The following FTO variants were observed in gnomAD, a reference collection of about 807,000 sequenced individuals.
FTO encodes alpha-ketoglutarate-dependent dioxygenase FTO.
Under a neutral mutation model 63.9 loss-of-function variants are expected in FTO, and 47 were observed. The ratio of observed to expected loss-of-function variants is 0.74; its 90% CI spans 0.58 to 0.94. The LOEUF is 0.94. FTO is among the 40% of genes least tolerant of loss of function. FTO has a pLI of 0.00. For synonymous variants in FTO, 207 were observed against 224.4 expected, an observed-to-expected ratio of 0.92 and a Z score of 0.69; for missense variants, 562 against 618.1, an observed-to-expected ratio of 0.91 and a Z score of 0.96.
Position 53,823,239 on chromosome 16 carries a change from T to C in FTO, c.124-2625T>C, listed in dbSNP as rs2078915180. Reference sequence around the variant, plus strand: ...GGCCTCTCAGTGTCAGGTGACATAGTTGAGTACCCCGCCCTTCTAGAAATG... The same window carrying C: ...GGCCTCTCAGTGTCAGGTGACATAGCTGAGTACCCCGCCCTTCTAGAAATG... On this transcript the variant is annotated intron_variant, in intron 2 of 8. Coordinates refer to ENST00000471389, the MANE Select transcript of FTO (RefSeq NM_001080432.3). 3.9e-5 allele frequency among the ~76,000 whole-genome samples: 6 copies of C among 152,338 alleles called. No homozygotes were observed. The South Asian group carries it at 1.2e-3, about 32-fold the overall frequency.
intron 3 of FTO, 74 bp downstream of exon 3, chr16:53,826,565 A>G (rs2079011786): frequency 7.2e-7 from 1 of 1,386,508 alleles, no homozygotes; most frequent in East Asian, 2.3e-5. Context: ...CTGGAGATAC[A>G]CACGCATATA....
chr16:53,710,083 A>C (rs532312440), intron 1 of FTO, among the ~76,000 whole-genome samples: 8 of 151,882 alleles, frequency 5.3e-5, no homozygotes, highest in Admixed American at 5.2e-4. Flanking sequence ...TTCTCCTTTA[A>C]TCTGGTGTCC....
At chr16:54,016,243 T>C (rs2084443229) in intron 8 of FTO, among the ~76,000 whole-genome samples, 1 of 149,422 alleles carries the variant, frequency 6.7e-6, no homozygotes, top group South Asian at 2.1e-4. Flanking sequence ...TCTGCCAACA[T>C]GACAAACCTG....
intron 1 of FTO, among the ~76,000 whole-genome samples, chr16:53,710,159 C>T (rs975905112): frequency 3.3e-5 from 5 of 150,662 alleles, no homozygotes; most frequent in Non-Finnish European, 7.4e-5. Flanking sequence ...GTGATGTGTG[C>T]AAGCTATCTT....
intron 8 of FTO, among the ~76,000 whole-genome samples, chr16:54,055,553 A>G (rs573785479): frequency 3.9e-5 from 6 of 152,324 alleles, no homozygotes; most frequent in African/African-American, 1.4e-4. Context: ...AAACACTAAC[A>G]AAGAGTCTTA....
chr16:53,914,978 G>A (rs2081825177), intron 7 of FTO, among the ~76,000 whole-genome samples: 1 of 152,178 alleles, frequency 6.6e-6, no homozygotes, highest in Non-Finnish European at 1.5e-5. Flanking sequence ...CATGTCTACA[G>A]GGAGAATGGG....
chr16:53,798,182 A>T (rs1173925965), intron 1 of FTO, among the ~76,000 whole-genome samples: 1 of 152,156 alleles, frequency 6.6e-6, no homozygotes. Context: ...TATTATATCA[A>T]TACAGCACTG....
At chr16:53,813,724 G>C (rs185135447) in intron 2 of FTO, among the ~76,000 whole-genome samples, 25 of 152,170 alleles carry the variant, frequency 1.6e-4, no homozygotes, top group African/African-American at 5.8e-4. Context: ...TTCCATTTTG[G>C]GTCTGTCGAT....
At chr16:53,850,541 A>T (rs1451116751) in intron 4 of FTO, among the ~76,000 whole-genome samples, 2 of 152,124 alleles carry the variant, frequency 1.3e-5, no homozygotes, top group Non-Finnish European at 2.9e-5. Context: ...TGAGTACTTG[A>T]AAGGCTTTAT....
intron 8 of FTO, among the ~76,000 whole-genome samples, chr16:53,947,423 C>G (rs1324260823): frequency 6.6e-6 from 1 of 152,142 alleles, no homozygotes; most frequent in Non-Finnish European, 1.5e-5. Context: ...ATAGATAACT[C>G]TATAACTAAC....
intron 8 of FTO, among the ~76,000 whole-genome samples, chr16:53,982,673 C>A (rs1297205075): frequency 5.3e-5 from 8 of 152,180 alleles, no homozygotes; most frequent in Non-Finnish European, 1.5e-5. Context: ...TAACTGGGCT[C>A]TGCAGCTGTT....
At chr16:53,755,184 C>G (rs147781301) in intron 1 of FTO, among the ~76,000 whole-genome samples, 50 of 152,318 alleles carry the variant, frequency 3.3e-4, no homozygotes, top group African/African-American at 1.2e-3. Flanking sequence ...TTATTTATCC[C>G]GCTCTCATCC....
chr16:54,078,731 T>C (rs1342346886), intron 8 of FTO, among the ~76,000 whole-genome samples: 4 of 152,194 alleles, frequency 2.6e-5, no homozygotes, highest in African/African-American at 9.7e-5. Flanking sequence ...TTTCCTACCA[T>C]GTGAGCACTT....
chr16:53,890,122 G>C (rs1884322383), intron 7 of FTO, among the ~76,000 whole-genome samples: 1 of 152,162 alleles, frequency 6.6e-6, no homozygotes, highest in African/African-American at 2.4e-5. Flanking sequence ...GATTTGGAAT[G>C]TAGTAGAAAA....
intron 3 of FTO, among the ~76,000 whole-genome samples, chr16:53,830,695 C>T (rs2079118229): frequency 6.6e-6 from 1 of 152,126 alleles, no homozygotes; most frequent in South Asian, 2.1e-4. Flanking sequence ...GTCAGGAGTT[C>T]AAGACCAGCC....
chr16:53,989,860 G>A (rs1301041617), intron 8 of FTO, among the ~76,000 whole-genome samples: 1 of 146,258 alleles, frequency 6.8e-6, no homozygotes, highest in Non-Finnish European at 1.5e-5. Flanking sequence ...CTCCTCTTCA[G>A]CCTACTCAAA....
intron 8 of FTO, among the ~76,000 whole-genome samples, chr16:54,099,420 T>C (rs1324556158): frequency 6.6e-6 from 1 of 152,170 alleles, no homozygotes; most frequent in Non-Finnish European, 1.5e-5. Flanking sequence ...TCCATAGCAT[T>C]GTGTGCTGGG....
chr16:53,979,649 C>G (rs915161669), intron 8 of FTO: 1 of 387,334 alleles, frequency 2.6e-6, no homozygotes, highest in African/African-American at 2.1e-5. Flanking sequence ...GCTGCAGTGC[C>G]TATGAGCTCA....
chr16:53,853,603 T>G (rs995597511), intron 4 of FTO, among the ~76,000 whole-genome samples: 15 of 152,204 alleles, frequency 9.9e-5, no homozygotes, highest in Non-Finnish European at 4.4e-5. Flanking sequence ...GTTACTTCAC[T>G]TAGAATAATG....
Sources: gnomAD v4.1 joint callset for allele counts (sites outside exome capture counted in the v4.1 genomes callset) on GRCh38, gnomAD v4.1.1 for gene constraint, MANE v1.5 for transcripts, NCBI Gene and HGNC (gene_info 2026-07-23, HGNC 2026-07-21) for gene names.